Variants in PAFAH2 observed in about 807,000 individuals in gnomAD.
The protein encoded by PAFAH2 is platelet-activating factor acetylhydrolase 2, cytoplasmic.
In PAFAH2, 42 loss-of-function variants were observed where a neutral mutation model predicts 49.0. That is an observed-to-expected ratio of 0.86 (90% CI 0.67 to 1.11). The LOEUF is 1.11. PAFAH2 is among the 50% of genes least tolerant of loss of function. The probability of loss-of-function intolerance (pLI) is 0.00; values close to 1 mark genes in which losing one functional copy is unlikely to be tolerated. For synonymous variants in PAFAH2, 184 were observed against 181.3 expected, an observed-to-expected ratio of 1.01 and a Z score of -0.12; for missense variants, 503 against 501.8, an observed-to-expected ratio of 1.00 and a Z score of -0.02.
chr1:25,994,150 T>TC (rs961423052), intron 1 of PAFAH2, among the ~76,000 whole-genome samples: 1 of 151,286 alleles, frequency 6.6e-6, no homozygotes, highest in East Asian at 1.9e-4. Context: ...AGCTTTTTTT[T>TC]TTTTTTTTTG....
At chr1:25,992,448 G>A (rs2049889357) in intron 1 of PAFAH2, among the ~76,000 whole-genome samples, 1 of 152,208 alleles carries the variant, frequency 6.6e-6, no homozygotes, top group African/African-American at 2.4e-5. Flanking sequence ...CGGCTCAGCT[G>A]CTTCCTAAAC....
In PAFAH2 at chr1:25,982,484, CAG is replaced by C. The variant is rs956600328; in HGVS notation, c.553-9_553-8del. The C allele has an allele frequency of 8.7e-6, 14 of 1,602,872 alleles. No individual in the cohort carries two copies. In the East Asian group the frequency reaches 1.8e-4, roughly 20 times the overall value. Reference sequence around the variant, plus strand: ...CGCTTACCCGCTGATGCACCTGCAACAGAGACAGTCCCAGTGGGACTGGAACA... The same window carrying C: ...CGCTTACCCGCTGATGCACCTGCAACAGACAGTCCCAGTGGGACTGGAACA... On this transcript the variant is annotated splice_polypyrimidine_tract_variant and splice_region_variant and intron_variant, in intron 6 of 10. Transcript: ENST00000374282.
At chr1:25,970,232 C>T (rs772989710) in intron 10 of PAFAH2, among the ~76,000 whole-genome samples, 13 of 152,030 alleles carry the variant, frequency 8.6e-5, no homozygotes, top group African/African-American at 1.9e-4. Context: ...TTTGGGAGGC[C>T]GAGGCAGGTG....
In PAFAH2 at chr1:25,990,830, G is replaced by A. The variant is rs2049861807; in HGVS notation, c.-14C>T. ...GTTGACCCCCATTTCATCACCGGGT[G>A]AATCAAATGACTTGCCGGAGCTGAA... On this transcript the variant is annotated 5_prime_UTR_variant, in exon 2 of 11. Transcript: ENST00000374282. The A allele has an allele frequency of 1.2e-6, 2 of 1,609,582 alleles. No homozygotes were observed. Among genetic ancestry groups the A allele is most frequent in the African/African-American group, 2.7e-5 (2 of 74,828 alleles).
intron 4 of PAFAH2, among the ~76,000 whole-genome samples, chr1:25,987,332 G>A (rs572809751): frequency 6.6e-6 from 1 of 152,172 alleles, no homozygotes; most frequent in Non-Finnish European, 1.5e-5. Flanking sequence ...AATGGTTTGG[G>A]GGCTGAGAGG....
chr1:25,977,392 T>C (rs2049610798), intron 7 of PAFAH2, among the ~76,000 whole-genome samples: 2 of 150,484 alleles, frequency 1.3e-5, no homozygotes, highest in South Asian at 4.4e-4. Flanking sequence ...GGCTCACACC[T>C]GTAATCCCAA....
At chr1:25,995,296 A>C (rs1190729993) in intron 1 of PAFAH2, among the ~76,000 whole-genome samples, 2 of 152,232 alleles carry the variant, frequency 1.3e-5, no homozygotes, top group Non-Finnish European at 2.9e-5. Context: ...CTCTTGGATT[A>C]ACACCTATTC....
chr1:25,971,101 AG>A (rs1159151656), intron 10 of PAFAH2, among the ~76,000 whole-genome samples: 1 of 152,134 alleles, frequency 6.6e-6, no homozygotes, highest in Non-Finnish European at 1.5e-5. Flanking sequence ...GTAGCTCTTG[AG>A]GGGTTAACCT....
intron 6 of PAFAH2, among the ~76,000 whole-genome samples, chr1:25,983,603 G>C (rs1213894242): frequency 1.3e-5 from 2 of 151,644 alleles, no homozygotes; most frequent in African/African-American, 4.8e-5. Flanking sequence ...TGGAAAGTAG[G>C]CCAGTTTGAA....
At position 25,960,788 on chromosome 1, in the gene PAFAH2, T is replaced by A. The variant is rs2049327492; in HGVS notation, c.*1201A>T. 7.1e-6 allele frequency: 1 copy of A among 141,664 alleles called. No individual in the cohort carries two copies. Among genetic ancestry groups the A allele is most frequent in the African/African-American group, 2.5e-5 (1 of 39,280 alleles). 8.8% of individuals were successfully genotyped at this position (141,664 alleles called of 1,614,324 possible). A position where few individuals can be genotyped will look rare whatever the true frequency, so the allele number is the denominator to read the frequency against. On this transcript the variant is annotated 3_prime_UTR_variant, in exon 11 of 11. Coordinates refer to ENST00000374282, the MANE Select transcript of PAFAH2 (RefSeq NM_000437.4). The stretch of plus-strand genomic sequence containing the variant: ...GGCCTTCTGCGTTTTTAAATTTTAT[T>A]TATTTTAAATTTTTCTTTTTCTTTT...
chr1:25,984,243 C>A, intron 5 of PAFAH2, 156 bp from the exon 6 acceptor site: 1 of 907,124 alleles, frequency 1.1e-6, no homozygotes, highest in East Asian at 2.5e-5. Context: ...GGAAAAAATA[C>A]AGATTTTAGA....
chr1:25,990,243 T>C (rs2049852782), intron 2 of PAFAH2, among the ~76,000 whole-genome samples: 1 of 152,084 alleles, frequency 6.6e-6, no homozygotes, highest in Non-Finnish European at 1.5e-5. Flanking sequence ...CTCTACTATA[T>C]ATACATATAT....
At chr1:25,967,645 G>A (rs565036189) in intron 10 of PAFAH2, among the ~76,000 whole-genome samples, 106 of 152,298 alleles carry the variant, frequency 7.0e-4, no homozygotes, top group African/African-American at 2.3e-3. Flanking sequence ...TGACAATAGC[G>A]GTTTTGATGG....
At chr1:25,975,329 G>A (rs1415510464) in intron 8 of PAFAH2, among the ~76,000 whole-genome samples, 5 of 152,090 alleles carry the variant, frequency 3.3e-5, no homozygotes, top group African/African-American at 9.7e-5. Context: ...TGTAATCCCA[G>A]CACTTTGGGA....
chr1:25,967,872 A>G (rs899255143), intron 10 of PAFAH2, among the ~76,000 whole-genome samples: 1 of 152,166 alleles, frequency 6.6e-6, no homozygotes, highest in Non-Finnish European at 1.5e-5. Context: ...TTGATGATCT[A>G]AAGTAAAGAG....
chr1:25,989,503 G>T lies in PAFAH2; in HGVS notation c.189C>A (p.Ala63=), dbSNP rs368549102. The T allele has an allele frequency of 3.1e-6, 5 of 1,612,008 alleles. No individual in the cohort carries two copies. Among genetic ancestry groups the T allele is most frequent in the Non-Finnish European group, 4.2e-6 (5 of 1,178,906 alleles). Residue 63 remains alanine (A), a synonymous_variant, in exon 3 of 11, where the codon GCC becomes GCA. Coordinates refer to ENST00000374282, the MANE Select transcript of PAFAH2 (RefSeq NM_000437.4). The stretch of plus-strand genomic sequence containing the variant: ...AGCGCTTATTAAACTGCAGGTACTC[G>T]GCCAGGCCAGTGCAGTACTCATAGC... ...IPRYEYCTGL[A]EYLQFNKRCG... is the part of the protein sequence containing the mutation.
chr1:25,989,333 G>A, intron 3 of PAFAH2, 115 bp downstream of exon 3: 2 of 911,208 alleles, frequency 2.2e-6, no homozygotes, highest in Non-Finnish European at 3.1e-6. Context: ...GCTAATGGAT[G>A]CCCCTTACAA....
chr1:25,966,782 A>G (rs1179253551), intron 10 of PAFAH2, among the ~76,000 whole-genome samples: 1 of 152,170 alleles, frequency 6.6e-6, no homozygotes, highest in East Asian at 1.9e-4. Flanking sequence ...AAATAAACCC[A>G]GCACTTTGGG....
intron 4 of PAFAH2, among the ~76,000 whole-genome samples, chr1:25,987,715 GAA>G (rs11289287): frequency 1.8e-3 from 256 of 139,778 alleles, no homozygotes; most frequent in South Asian, 7.7e-3. Flanking sequence ...TCTCGTCCCT[GAA>G]AAAAAAAAAA....
Sources: allele counts gnomAD v4.1 joint callset (sites outside exome capture counted in the v4.1 genomes callset), GRCh38; gene constraint gnomAD v4.1.1; transcripts MANE v1.5; gene names NCBI Gene and HGNC (gene_info 2026-07-23, HGNC 2026-07-21).